Variants in ERO1B observed in about 807,000 individuals in gnomAD.
ERO1B encodes the protein endoplasmic reticulum oxidoreductase 1 beta, also known as ERO1-like protein beta.
A neutral mutation model predicts 75.3 loss-of-function variants in ERO1B; 49 were observed. The ratio of observed to expected loss-of-function variants is 0.65; its 90% CI spans 0.52 to 0.83. The LOEUF (loss-of-function observed/expected upper bound fraction) is 0.83, where lower values mean the gene tolerates loss of function less well. ERO1B is among the 40% of genes least tolerant of loss of function. The pLI, the probability that ERO1B is intolerant of heterozygous loss-of-function variation, is 0.00. For synonymous variants in ERO1B, 191 were observed against 192.9 expected, an observed-to-expected ratio of 0.99 and a Z score of 0.08; for missense variants, 512 against 560.1, an observed-to-expected ratio of 0.91 and a Z score of 0.87.
intron 2 of ERO1B, among the ~76,000 whole-genome samples, chr1:236,269,080 C>G (rs1665531173): frequency 6.6e-6 from 1 of 151,662 alleles, no homozygotes; most frequent in Non-Finnish European, 1.5e-5. Flanking sequence ...ACTAAAAATA[C>G]AAAAACTAGC....
intron 2 of ERO1B, among the ~76,000 whole-genome samples, chr1:236,263,977 T>A (rs1665357030): frequency 6.6e-6 from 1 of 151,924 alleles, no homozygotes; most frequent in Non-Finnish European, 1.5e-5. Context: ...TAAATGGTTA[T>A]TATTTACATT....
chr1:236,281,673 C>T lies in ERO1B; in HGVS notation c.102+9G>A, dbSNP rs1269025. 0.31 allele frequency: 439,750 copies of T among 1,437,448 alleles called. 69,721 individuals carry two copies. The highest frequency in any genetic ancestry group is 0.37 in the East Asian group (12,983 of 35,010). The allele number at this position is 1,437,448 out of a possible 1,614,324, so 89.0% of individuals were successfully genotyped here. A position where few individuals can be genotyped will look rare whatever the true frequency, so the allele number is the denominator to read the frequency against. On this transcript the variant is annotated intron_variant, in intron 1 of 15. Transcript: ENST00000354619. ...CGGGGGTTCCCGGCCCGCTATCACT[C>T]GGGCTTACCTGCGCCTCGACGACGC... is the stretch of plus-strand genomic sequence containing the variant.
At chr1:236,271,410 T>C (rs558214976) in intron 1 of ERO1B, among the ~76,000 whole-genome samples, 1 of 152,298 alleles carries the variant, frequency 6.6e-6, no homozygotes, top group South Asian at 2.1e-4. Flanking sequence ...TAAATGATCA[T>C]TACCAAGAAT....
intron 4 of ERO1B, among the ~76,000 whole-genome samples, chr1:236,251,634 A>C (rs1665033104): frequency 6.6e-6 from 1 of 152,180 alleles, no homozygotes; most frequent in Admixed American, 6.6e-5. Flanking sequence ...TAAAAGGACA[A>C]GAACAATAAT....
At chr1:236,237,535 A>G (rs1429758334) in intron 6 of ERO1B, among the ~76,000 whole-genome samples, 1 of 152,248 alleles carries the variant, frequency 6.6e-6, no homozygotes, top group Non-Finnish European at 1.5e-5. Context: ...AAGAAAAATT[A>G]TAATGACCAT....
At chr1:236,221,697 A>G in intron 14 of ERO1B, 6 of 458,678 alleles carry the variant, frequency 1.3e-5, no homozygotes, top group Non-Finnish European at 2.3e-5. Flanking sequence ...CAATAGAAAC[A>G]TAGACACAAT....
At position 236,217,554 on chromosome 1, in the gene ERO1B, A is replaced by C. The variant is rs1664022108; in HGVS notation, c.*962T>G. On this transcript the variant is annotated 3_prime_UTR_variant, in exon 16 of 16. Coordinates refer to ENST00000354619, the MANE Select transcript of ERO1B (RefSeq NM_019891.4). The stretch of plus-strand genomic sequence containing the variant: ...GTATTCTAAAATAAATCCTTTAAAA[A>C]TGCTTACTTTAAGTGAAAATAGCAA... The C allele has an allele frequency of 6.6e-6, 1 of 152,604 alleles. No individual in the cohort carries two copies. The highest frequency in any genetic ancestry group is 2.4e-5 in the African/African-American group (1 of 41,460). 9.5% of individuals were successfully genotyped at this position (152,604 alleles called of 1,614,324 possible).
intron 2 of ERO1B, among the ~76,000 whole-genome samples, chr1:236,263,939 A>ATG (rs1261658257): frequency 2.7e-5 from 4 of 150,752 alleles, no homozygotes; most frequent in African/African-American, 9.7e-5. Flanking sequence ...GCTAATGTAA[A>ATG]TGGTGGTTTC....
At chr1:236,229,570 CTAATA>C (rs1427653552) in intron 10 of ERO1B, among the ~76,000 whole-genome samples, 1 of 152,110 alleles carries the variant, frequency 6.6e-6, no homozygotes, top group African/African-American at 2.4e-5. Context: ...TTATCTGTTA[CTAATA>C]TATTTTAATT....
chr1:236,247,426 G>A (rs1664912488), intron 5 of ERO1B, among the ~76,000 whole-genome samples: 1 of 152,088 alleles, frequency 6.6e-6, no homozygotes, highest in African/African-American at 2.4e-5. Flanking sequence ...ATCCAATACT[G>A]CAGCAAATCC....
At chr1:236,276,168 G>C (rs2102968102) in intron 1 of ERO1B, among the ~76,000 whole-genome samples, 1 of 152,268 alleles carries the variant, frequency 6.6e-6, no homozygotes, top group East Asian at 1.9e-4. Context: ...AGCAGATTTG[G>C]GGGAAAAGAT....
chr1:236,281,558 G>C, intron 1 of ERO1B, 124 bp downstream of exon 1: 1 of 633,418 alleles, frequency 1.6e-6, no homozygotes, highest in Non-Finnish European at 2.3e-6. Flanking sequence ...TTTTCTGCTC[G>C]CCAGAAATCA....
chr1:236,279,499 C>T (rs1478765296), intron 1 of ERO1B, among the ~76,000 whole-genome samples: 60 of 17,792 alleles, frequency 3.4e-3, no homozygotes, highest in African/African-American at 9.8e-3. Context: ...AGCGAGACTC[C>T]ATCTCAAAAA....
At chr1:236,218,614 A>G in intron 15 of ERO1B, 38 bp from the exon 16 acceptor site, 2 of 1,297,794 alleles carry the variant, frequency 1.5e-6, no homozygotes, top group Non-Finnish European at 1.0e-6. Context: ...TAAGGCTAAC[A>G]TGTTGCATAC....
In ERO1B at chr1:236,224,567, C is replaced by A. The variant is rs529987636; in HGVS notation, c.1122+503G>T. ...TTAAGCAAATGAAAATAAAGAACAC[C>A]TAACATGAAGTTTGGTAATGTTCCC... On this transcript the variant is annotated intron_variant, in intron 13 of 15. Coordinates refer to ENST00000354619, the MANE Select transcript of ERO1B (RefSeq NM_019891.4). 4.5e-4 allele frequency among the ~76,000 whole-genome samples: 68 copies of A among 152,140 alleles called. 3 individuals carry two copies. The South Asian group carries it at 0.014, about 31-fold the overall frequency.
chr1:236,219,876 T>G (rs1462671673), intron 15 of ERO1B, among the ~76,000 whole-genome samples: 1 of 151,960 alleles, frequency 6.6e-6, no homozygotes, highest in Non-Finnish European at 1.5e-5. Context: ...ATTTTTTAAT[T>G]AGCCAGGCAA....
chr1:236,238,744 G>A (rs565994355), intron 6 of ERO1B, among the ~76,000 whole-genome samples: 2 of 151,658 alleles, frequency 1.3e-5, no homozygotes, highest in Non-Finnish European at 2.9e-5. Context: ...AATAATTTGT[G>A]TATGTGTGTG....
chr1:236,227,876 G>A (rs564528786), intron 10 of ERO1B, among the ~76,000 whole-genome samples: 68 of 152,154 alleles, frequency 4.5e-4, no homozygotes, highest in Admixed American at 1.1e-3. Context: ...GTCATGGATG[G>A]GGACCAAAAG....
At chr1:236,246,372 T>C (rs911454637) in intron 5 of ERO1B, among the ~76,000 whole-genome samples, 1 of 151,794 alleles carries the variant, frequency 6.6e-6, no homozygotes, top group African/African-American at 2.4e-5. Flanking sequence ...AGGATCTCAC[T>C]TGTTGGCCAG....
Sources: gnomAD v4.1 joint callset for allele counts (sites outside exome capture counted in the v4.1 genomes callset) on GRCh38, gnomAD v4.1.1 for gene constraint, MANE v1.5 for transcripts, NCBI Gene and HGNC (gene_info 2026-07-23, HGNC 2026-07-21) for gene names.